RNF128: variants seen among roughly 807,000 people sequenced by gnomAD.
RNF128 encodes E3 ubiquitin-protein ligase RNF128.
RNF128 carries 13 observed loss-of-function variants against 26.2 expected under a neutral mutation model. The ratio of observed to expected loss-of-function variants is 0.50; its 90% CI spans 0.32 to 0.79. The LOEUF (loss-of-function observed/expected upper bound fraction) is 0.79. Ranked by LOEUF, RNF128 falls within the 30% of genes least tolerant of loss-of-function variation. The pLI is 0.03. For synonymous variants in RNF128, 149 were observed against 142.5 expected, an observed-to-expected ratio of 1.05 and a Z score of -0.32; for missense variants, 315 against 349.7, an observed-to-expected ratio of 0.90 and a Z score of 0.79.
intron 1 of RNF128, among the ~76,000 whole-genome samples, chrX:106,767,209 T>A (rs1019348169): frequency 9.0e-6 from 1 of 111,051 alleles, no homozygotes; most frequent in Non-Finnish European, 1.9e-5. Flanking sequence ...GCTCTTTGGG[T>A]TCCATATGAA....
chrX:106,720,753 T>C (rs1288841266), intron 1 of RNF128, among the ~76,000 whole-genome samples: 2 of 111,743 alleles, frequency 1.8e-5, no homozygotes, highest in African/African-American at 6.5e-5. Context: ...TTCAGCAAGA[T>C]ACTTCATTTT....
intron 1 of RNF128, among the ~76,000 whole-genome samples, chrX:106,703,815 A>T (rs1436624457): frequency 1.8e-5 from 2 of 110,717 alleles, no homozygotes; most frequent in Non-Finnish European, 3.8e-5. Context: ...TAGGATAACC[A>T]GTCAGAAAGT....
At chrX:106,700,040 T>G (rs1469846934) in intron 1 of RNF128, among the ~76,000 whole-genome samples, 1 of 105,634 alleles carries the variant, frequency 9.5e-6, no homozygotes, top group Non-Finnish European at 1.9e-5. Flanking sequence ...TTTTTTTTTT[T>G]GATACGGGTC....
At chrX:106,709,552 CTT>C (rs1035115892) in intron 1 of RNF128, among the ~76,000 whole-genome samples, 2 of 103,046 alleles carry the variant, frequency 1.9e-5, no homozygotes, top group Non-Finnish European at 2.0e-5. Flanking sequence ...GTTATAACTT[CTT>C]TTTTTTTTTT....
chrX:106,728,739 C>G (rs1929452713), intron 1 of RNF128, among the ~76,000 whole-genome samples: 2 of 111,857 alleles, frequency 1.8e-5, no homozygotes, highest in African/African-American at 3.2e-5. Flanking sequence ...ACTTTGTAAC[C>G]TTGTACAAGT....
At chrX:106,711,169 C>A (rs1441331948) in intron 1 of RNF128, among the ~76,000 whole-genome samples, 2 of 112,055 alleles carry the variant, frequency 1.8e-5, no homozygotes, top group African/African-American at 6.5e-5. Context: ...TAGGAGCCAG[C>A]CTCTCTCCCC....
intron 1 of RNF128, among the ~76,000 whole-genome samples, chrX:106,720,784 T>A (rs1929297381): frequency 9.0e-6 from 1 of 111,436 alleles, no homozygotes; most frequent in African/African-American, 3.3e-5. Flanking sequence ...ATTTTCCTCA[T>A]CTGAAAAAAT....
chrX:106,789,808 GTGT>G (rs1930788508), intron 4 of RNF128, among the ~76,000 whole-genome samples: 1 of 109,123 alleles, frequency 9.2e-6, no homozygotes. Flanking sequence ...CATCAGTACA[GTGT>G]TGTTGTACTC....
chrX:106,763,422 G>T (rs188981758), intron 1 of RNF128, among the ~76,000 whole-genome samples: 152 of 112,161 alleles, frequency 1.4e-3, no homozygotes, highest in Middle Eastern at 4.6e-3. Context: ...AGTGGAGGGG[G>T]AGCAGTTTAC....
At chrX:106,727,499 A>C (rs1964057561) in intron 1 of RNF128, 102 bp downstream of exon 1, 1 of 1,038,576 alleles carries the variant, frequency 9.6e-7, no homozygotes, top group Admixed American at 2.8e-5. Context: ...GCTCCGAAGG[A>C]AAGTGGGTGC....
intron 4 of RNF128, among the ~76,000 whole-genome samples, chrX:106,788,403 T>C (rs1404903379): frequency 2.1e-5 from 1 of 46,947 alleles, no homozygotes; most frequent in Non-Finnish European, 3.5e-5. Flanking sequence ...ATATTATATA[T>C]AATATATAAT....
intron 2 of RNF128, among the ~76,000 whole-genome samples, 182 bp from the exon 3 acceptor site, chrX:106,784,883 G>A (rs1930627088): frequency 9.0e-6 from 1 of 111,345 alleles, no homozygotes; most frequent in African/African-American, 3.3e-5. Flanking sequence ...TCAGTAACTT[G>A]GAAAATCCTG....
chrX:106,775,775 C>A (rs754328692), intron 2 of RNF128, among the ~76,000 whole-genome samples: 45 of 111,772 alleles, frequency 4.0e-4, no homozygotes, highest in Non-Finnish European at 7.0e-4. Flanking sequence ...CTCCATTTTA[C>A]TGGTAGAAAT....
intron 1 of RNF128, among the ~76,000 whole-genome samples, chrX:106,771,843 A>T (rs186286371): frequency 0.011 from 1,251 of 112,387 alleles, 7 homozygotes; most frequent in Non-Finnish European, 0.016. Flanking sequence ...TACAGACTGG[A>T]GCTGTTCCTA....
chrX:106,725,011 A>T (rs1348850100), upstream of RNF128, among the ~76,000 whole-genome samples: 1 of 112,471 alleles, frequency 8.9e-6, no homozygotes, highest in Non-Finnish European at 1.9e-5. Flanking sequence ...TGTAGCTATA[A>T]AATACCTTCT....
intron 1 of RNF128, among the ~76,000 whole-genome samples, chrX:106,711,952 A>G (rs184445231): frequency 1.7e-4 from 19 of 112,413 alleles, no homozygotes; most frequent in African/African-American, 6.1e-4. Flanking sequence ...CAGAATGAAT[A>G]AGATCAGTAA....
At chrX:106,694,398 G>T in exon 1 of RNF128, 1 of 1,176,363 alleles carries the variant, frequency 8.5e-7, no homozygotes. Context: ...CGATACAGAT[G>T]GCAAATTTTG....
intron 1 of RNF128, among the ~76,000 whole-genome samples, chrX:106,757,285 G>A (rs1164998481): frequency 9.5e-4 from 81 of 85,682 alleles, no homozygotes; most frequent in African/African-American, 2.4e-3. Context: ...ACATGCACAC[G>A]TATGTTTATT....
intron 6 of RNF128, 134 bp downstream of exon 6, chrX:106,791,368 T>G: frequency 3.8e-6 from 2 of 519,562 alleles, no homozygotes; most frequent in Non-Finnish European, 6.0e-6. Context: ...CTTAAAATAA[T>G]GCCGTGAAGG....
Sources: gnomAD v4.1 joint callset for allele counts (sites outside exome capture counted in the v4.1 genomes callset) on GRCh38, gnomAD v4.1.1 for gene constraint, MANE v1.5 for transcripts, NCBI Gene and HGNC (gene_info 2026-07-23, HGNC 2026-07-21) for gene names.